The following ZBTB8A variants were observed in gnomAD, a reference collection of about 807,000 sequenced individuals.
ZBTB8A encodes zinc finger and BTB domain-containing protein 8A.
Under a neutral mutation model 37.8 loss-of-function variants are expected in ZBTB8A, and 19 were observed. That is an observed-to-expected ratio of 0.50 (90% CI 0.35 to 0.74). ZBTB8A has a LOEUF of 0.74. ZBTB8A is among the 30% of genes least tolerant of loss of function. ZBTB8A has a pLI of 0.01. For missense variants in ZBTB8A, 394 were observed against 537.8 expected, an observed-to-expected ratio of 0.73 and a Z score of 2.65; for synonymous variants, 181 against 185.2, an observed-to-expected ratio of 0.98 and a Z score of 0.19.
chr1:32,576,399 T>C (rs890253994), intron 2 of ZBTB8A, among the ~76,000 whole-genome samples: 3 of 152,200 alleles, frequency 2.0e-5, no homozygotes, highest in Non-Finnish European at 2.9e-5. Flanking sequence ...ATTAGACTAT[T>C]TGATATTGTT....
At chr1:32,539,855 G>T (rs1488184032) in intron 1 of ZBTB8A, among the ~76,000 whole-genome samples, 1 of 149,026 alleles carries the variant, frequency 6.7e-6, no homozygotes, top group South Asian at 2.1e-4. Flanking sequence ...TGGAGGCGGC[G>T]GCGGGAAGGC....
intron 2 of ZBTB8A, among the ~76,000 whole-genome samples, chr1:32,570,907 G>T (rs1644317999): frequency 6.7e-6 from 1 of 148,330 alleles, no homozygotes; most frequent in African/African-American, 2.5e-5. Flanking sequence ...ACTGAGTCTC[G>T]CTCTGTCACC....
At chr1:32,550,024 T>A (rs1295455022) in intron 1 of ZBTB8A, among the ~76,000 whole-genome samples, 2 of 151,796 alleles carry the variant, frequency 1.3e-5, no homozygotes, top group African/African-American at 2.4e-5. Context: ...TGTAAAGGAG[T>A]CTGGGAAATG....
intron 1 of ZBTB8A, among the ~76,000 whole-genome samples, chr1:32,548,655 AATGT>A (rs1359217388): frequency 6.6e-6 from 1 of 152,140 alleles, no homozygotes. Flanking sequence ...AAGACAAGAA[AATGT>A]GTGGCAATAA....
chr1:32,558,375 A>G lies in ZBTB8A; in HGVS notation c.-2+4835A>G, dbSNP rs79904003. Among the ~76,000 whole-genome samples, 605 of 151,984 alleles carry G rather than the reference A, an allele frequency of 4.0e-3. 7 individuals carry two copies. In the East Asian group the frequency reaches 0.042, roughly 11 times the overall value. On this transcript the variant is annotated intron_variant, in intron 2 of 4. Coordinates refer to ENST00000373510, the MANE Select transcript of ZBTB8A (RefSeq NM_001040441.3). ...TTATCTACAGTAGTTAGCTACTTAG[A>G]GAAAAATTTAGATCTTCTCATCACA... is the stretch of plus-strand genomic sequence containing the variant.
intron 1 of ZBTB8A, among the ~76,000 whole-genome samples, chr1:32,544,932 T>G (rs1207155762): frequency 6.6e-6 from 1 of 152,214 alleles, no homozygotes; most frequent in Admixed American, 6.5e-5. Context: ...TTCCACCTCT[T>G]AGCTGTTGCA....
intron 2 of ZBTB8A, among the ~76,000 whole-genome samples, chr1:32,587,366 T>C (rs1644457603): frequency 1.3e-5 from 2 of 152,104 alleles, no homozygotes; most frequent in African/African-American, 4.8e-5. Context: ...CAAAGACGAC[T>C]CAATGTCTTT....
intron 2 of ZBTB8A, among the ~76,000 whole-genome samples, chr1:32,573,800 C>T (rs1394868298): frequency 2.9e-5 from 4 of 139,046 alleles, no homozygotes; most frequent in Admixed American, 1.5e-4. Context: ...CCTGGCCGGG[C>T]GCAGTGGCTC....
intron 2 of ZBTB8A, among the ~76,000 whole-genome samples, chr1:32,569,670 G>T: frequency 1.3e-5 from 2 of 151,820 alleles, no homozygotes; most frequent in East Asian, 3.9e-4. Context: ...GGGATTACAG[G>T]CATGAGCCAC....
At chr1:32,555,752 C>T (rs1335337256) in intron 2 of ZBTB8A, among the ~76,000 whole-genome samples, 16 of 152,156 alleles carry the variant, frequency 1.1e-4, no homozygotes. Flanking sequence ...TTCAGACCAG[C>T]ATTTCTAGTG....
At chr1:32,579,478 A>AG (rs574979190) in intron 2 of ZBTB8A, among the ~76,000 whole-genome samples, 257 of 151,976 alleles carry the variant, frequency 1.7e-3, no homozygotes, top group African/African-American at 6.1e-3. Context: ...AAGAAAAAAA[A>AG]CAACTTAAAT....
At position 32,595,072 on chromosome 1, in the gene ZBTB8A, G is replaced by A. The variant is rs762072586; in HGVS notation, c.842G>A (p.Arg281Gln). The A allele has an allele frequency of 6.2e-6, 10 of 1,613,752 alleles. No homozygotes were observed. In the East Asian group the frequency reaches 6.7e-5, roughly 11 times the overall value. The part of the protein sequence containing the change: ...KSFPDDLPRM[R>Q]FKCPYCTHVV... ...TTGACAGATGATCTGCCTCGGATGCGATTCAAGTGCCCGTACTGCACACAT... is the reference window on the plus strand; with the variant it reads ...TTGACAGATGATCTGCCTCGGATGCAATTCAAGTGCCCGTACTGCACACAT... Residue 281 changes from arginine to glutamine, a missense_variant, in exon 4 of 5, where the codon CGA becomes CAA. Coordinates refer to ENST00000373510, the MANE Select transcript of ZBTB8A (RefSeq NM_001040441.3).
chr1:32,580,562 A>G (rs564919182), intron 2 of ZBTB8A, among the ~76,000 whole-genome samples: 22 of 152,174 alleles, frequency 1.4e-4, no homozygotes, highest in African/African-American at 4.8e-4. Flanking sequence ...AAAAAAAAAA[A>G]AGAGAATTTT....
intron 2 of ZBTB8A, among the ~76,000 whole-genome samples, chr1:32,576,625 C>T (rs1293054000): frequency 2.0e-5 from 3 of 152,152 alleles, no homozygotes; most frequent in Non-Finnish European, 4.4e-5. Context: ...GACGGGGTCT[C>T]ACTATGTTGG....
At chr1:32,598,940 C>G (rs899282079) in intron 4 of ZBTB8A, among the ~76,000 whole-genome samples, 3 of 151,966 alleles carry the variant, frequency 2.0e-5, no homozygotes, top group Non-Finnish European at 2.9e-5. Flanking sequence ...CCATATCTTA[C>G]CAGTTAAATA....
chr1:32,587,363 G>A (rs1156593310), intron 2 of ZBTB8A, among the ~76,000 whole-genome samples: 6 of 152,086 alleles, frequency 3.9e-5, no homozygotes, highest in Non-Finnish European at 8.8e-5. Flanking sequence ...AGTCAAAGAC[G>A]ACTCAATGTC....
chr1:32,578,087 T>C (rs1427254566), intron 2 of ZBTB8A, among the ~76,000 whole-genome samples: 2 of 151,542 alleles, frequency 1.3e-5, no homozygotes, highest in African/African-American at 4.8e-5. Context: ...TGTTTGTTTG[T>C]TTTTTGAGAT....
chr1:32,565,394 C>T (rs1385863329), intron 2 of ZBTB8A, among the ~76,000 whole-genome samples: 2 of 152,082 alleles, frequency 1.3e-5, no homozygotes, highest in Non-Finnish European at 2.9e-5. Flanking sequence ...TCATGCCTGC[C>T]CATAATCCCT....
intron 1 of ZBTB8A, among the ~76,000 whole-genome samples, chr1:32,544,450 C>G (rs1303866238): frequency 6.6e-6 from 1 of 152,260 alleles, no homozygotes; most frequent in Non-Finnish European, 1.5e-5. Flanking sequence ...GTAATCCCAG[C>G]ACTTTGGGAG....
Sources: allele counts gnomAD v4.1 joint callset (sites outside exome capture counted in the v4.1 genomes callset), GRCh38; gene constraint gnomAD v4.1.1; transcripts MANE v1.5; gene names NCBI Gene and HGNC (gene_info 2026-07-23, HGNC 2026-07-21).